The following ILKAP variants were observed in gnomAD, a reference collection of about 807,000 sequenced individuals.
ILKAP encodes the protein integrin-linked kinase-associated serine/threonine phosphatase 2C.
ILKAP carries 11 observed loss-of-function variants against 49.1 expected under a neutral mutation model. The observed-to-expected ratio is 0.22, with a 90% CI of 0.14 to 0.37. The LOEUF is 0.37. ILKAP is among the 10% of genes least tolerant of loss of function. The pLI, the probability that ILKAP is intolerant of heterozygous loss-of-function variation, is 1.00. For missense variants in ILKAP, 363 were observed against 510.8 expected, an observed-to-expected ratio of 0.71 and a Z score of 2.79; for synonymous variants, 186 against 192.8, an observed-to-expected ratio of 0.96 and a Z score of 0.29.
At chr2:238,174,571 G>A (rs1400020575) in intron 9 of ILKAP, among the ~76,000 whole-genome samples, 1 of 152,202 alleles carries the variant, frequency 6.6e-6, no homozygotes, top group East Asian at 1.9e-4. Flanking sequence ...GCTGCACATG[G>A]TAGGAAATGC....
chr2:238,191,988 G>A (rs556096010), intron 3 of ILKAP, among the ~76,000 whole-genome samples: 5 of 151,076 alleles, frequency 3.3e-5, no homozygotes, highest in South Asian at 4.2e-4. Context: ...AGAGGCAGGC[G>A]GATCATGAGG....
intron 1 of ILKAP, among the ~76,000 whole-genome samples, chr2:238,200,457 T>G (rs1694522471): frequency 6.6e-6 from 1 of 152,234 alleles, no homozygotes; most frequent in African/African-American, 2.4e-5. Context: ...CAGTGTAGTA[T>G]TCTCCCTTTG....
At chr2:238,201,082 G>C (rs761216781) in intron 1 of ILKAP, among the ~76,000 whole-genome samples, 1 of 152,228 alleles carries the variant, frequency 6.6e-6, no homozygotes, top group Admixed American at 6.5e-5. Context: ...CTGCATTAGA[G>C]ATTTGTGGTA....
chr2:238,177,844 G>C (rs1002080050), intron 9 of ILKAP, among the ~76,000 whole-genome samples: 1 of 152,088 alleles, frequency 6.6e-6, no homozygotes, highest in Non-Finnish European at 1.5e-5. Flanking sequence ...CGCAGAGGTG[G>C]AACTGCAGAT....
At chr2:238,177,863 A>G (rs1346766045) in intron 9 of ILKAP, among the ~76,000 whole-genome samples, 1 of 152,156 alleles carries the variant, frequency 6.6e-6, no homozygotes, top group Admixed American at 6.5e-5. Flanking sequence ...ATCACATGCT[A>G]ACTCTGTGTT....
intron 4 of ILKAP, among the ~76,000 whole-genome samples, chr2:238,189,146 G>A (rs938566084): frequency 3.3e-5 from 5 of 152,024 alleles, no homozygotes; most frequent in Middle Eastern, 3.2e-3. Context: ...GTGAAACCCC[G>A]TCTCTACTAA....
intron 7 of ILKAP, 32 bp from the exon 8 acceptor site, chr2:238,183,772 C>G: frequency 6.6e-7 from 1 of 1,507,626 alleles, no homozygotes; most frequent in Non-Finnish European, 9.2e-7. Flanking sequence ...ACACAGTCAC[C>G]ACCAATAGCC....
intron 9 of ILKAP, among the ~76,000 whole-genome samples, chr2:238,179,813 G>A (rs558713216): frequency 3.3e-5 from 5 of 152,182 alleles, no homozygotes; most frequent in East Asian, 1.9e-4. Flanking sequence ...AAATAACACC[G>A]TAAAAAAATA....
At chr2:238,202,756 G>A (rs1288411697) in intron 1 of ILKAP, among the ~76,000 whole-genome samples, 1 of 152,028 alleles carries the variant, frequency 6.6e-6, no homozygotes, top group African/African-American at 2.4e-5. Context: ...GATTAACACA[G>A]GCCCTGTTTC....
intron 1 of ILKAP, among the ~76,000 whole-genome samples, chr2:238,199,550 T>C (rs1053137746): frequency 2.6e-5 from 4 of 152,166 alleles, no homozygotes; most frequent in African/African-American, 9.7e-5. Context: ...TTCTAGTGGG[T>C]TTTATTTTTT....
Position 238,189,980 on chromosome 2 carries a change from T to C in ILKAP, c.179-8A>G. On this transcript the variant is annotated splice_polypyrimidine_tract_variant and splice_region_variant and intron_variant, in intron 3 of 11. Coordinates refer to ENST00000254654, the MANE Select transcript of ILKAP (RefSeq NM_030768.3). ...TTGATGTGGCAAGAGAACCTGGAAA[T>C]AAAGTAAAAGCCAGACAGAAACACA... 1.9e-6 allele frequency: 3 copies of C among 1,613,334 alleles called. No individual in the cohort carries two copies. The highest frequency in any genetic ancestry group is 1.7e-6 in the Non-Finnish European group (2 of 1,179,724).
rs139001484 is a variant in ILKAP, at chr2:238,174,299, G to C, written c.837-646C>G. On this transcript the variant is annotated intron_variant, in intron 9 of 11. Coordinates refer to ENST00000254654, the MANE Select transcript of ILKAP (RefSeq NM_030768.3). ...TACAAATGGGAAGAGACATCTAAGG[G>C]ACAGTCCTATTGCCAAGGAAAAACC... Among the ~76,000 whole-genome samples the C allele has an allele frequency of 9.9e-5, 15 of 152,260 alleles. No individual in the cohort carries two copies. In the East Asian group the frequency reaches 2.5e-3, roughly 26 times the overall value.
chr2:238,197,285 T>G (rs1428654284), intron 1 of ILKAP, among the ~76,000 whole-genome samples: 1 of 152,216 alleles, frequency 6.6e-6, no homozygotes, highest in Non-Finnish European at 1.5e-5. Flanking sequence ...AGGTCACTTT[T>G]GCCCAAACAT....
At chr2:238,188,069 A>T (rs1693976864) in intron 5 of ILKAP, 62 bp downstream of exon 5, 1 of 1,581,010 alleles carries the variant, frequency 6.3e-7, no homozygotes, top group African/African-American at 1.3e-5. Context: ...GCCAGTCCAA[A>T]ATGCCAGTCA....
intron 10 of ILKAP, among the ~76,000 whole-genome samples, chr2:238,171,921 G>A (rs1448176181): frequency 3.9e-5 from 6 of 152,190 alleles, no homozygotes; most frequent in African/African-American, 1.4e-4. Flanking sequence ...CAATGTGACA[G>A]TTCTAGTTTT....
intron 5 of ILKAP, among the ~76,000 whole-genome samples, chr2:238,187,610 G>A (rs1327546453): frequency 6.6e-6 from 1 of 151,800 alleles, no homozygotes; most frequent in African/African-American, 2.4e-5. Context: ...TTTGACTTTT[G>A]TTCTTCCTGG....
At position 238,194,693 on chromosome 2, in the gene ILKAP, C is replaced by T. The variant is rs190452172; in HGVS notation, c.121+112G>A. 8.9e-6 allele frequency: 10 copies of T among 1,128,824 alleles called. No individual in the cohort carries two copies. In the East Asian group the frequency reaches 1.9e-4, roughly 22 times the overall value. The allele number at this position is 1,128,824 out of a possible 1,614,324, so 69.9% of individuals were successfully genotyped here. A position where few individuals can be genotyped will look rare whatever the true frequency, so the allele number is the denominator to read the frequency against. On this transcript the variant is annotated intron_variant, in intron 2 of 11. Transcript: ENST00000254654. Reference sequence around the variant, plus strand: ...TTCAAAACTTAAAGACAGTCCAACACCTAAAACATCTGTGTGTTGAAAATG... The same window carrying T: ...TTCAAAACTTAAAGACAGTCCAACATCTAAAACATCTGTGTGTTGAAAATG...
intron 6 of ILKAP, among the ~76,000 whole-genome samples, chr2:238,184,689 C>A (rs1693830828): frequency 6.6e-6 from 1 of 151,350 alleles, no homozygotes; most frequent in Non-Finnish European, 1.5e-5. Context: ...GCCTCCTGAG[C>A]AGCTGGGACC....
intron 9 of ILKAP, among the ~76,000 whole-genome samples, chr2:238,180,496 G>A (rs151209647): frequency 6.6e-6 from 1 of 152,342 alleles, no homozygotes; most frequent in East Asian, 1.9e-4. Context: ...AATGTTCACT[G>A]CTAGTAGATT....
Sources: gnomAD v4.1 joint callset for allele counts (sites outside exome capture counted in the v4.1 genomes callset) on GRCh38, gnomAD v4.1.1 for gene constraint, MANE v1.5 for transcripts, NCBI Gene and HGNC (gene_info 2026-07-23, HGNC 2026-07-21) for gene names.